The following ADCY6 variants were observed in gnomAD, a reference collection of about 807,000 sequenced individuals.
ADCY6 encodes the protein adenylate cyclase type 6.
In ADCY6, 59 loss-of-function variants were observed where a neutral mutation model predicts 111.6. The observed-to-expected ratio is 0.53, with a 90% CI of 0.43 to 0.66. ADCY6 has a LOEUF of 0.66. Ranked by LOEUF, ADCY6 falls within the 30% of genes least tolerant of loss-of-function variation. The probability of loss-of-function intolerance (pLI) is 0.00; values close to 1 mark genes in which losing one functional copy is unlikely to be tolerated. For synonymous variants in ADCY6, 576 were observed against 642.9 expected (o/e 0.90, Z 1.57); for missense variants, 1,242 against 1,595.6 (o/e 0.78, Z 3.78).
At chr12:48,772,624 T>G in intron 16 of ADCY6, 81 bp from the exon 17 acceptor site, 7 of 1,510,622 alleles carry the variant, frequency 4.6e-6, no homozygotes, top group Non-Finnish European at 6.4e-6. Flanking sequence ...GACAAGAGAC[T>G]GCATTTACTG....
Position 48,777,795 on chromosome 12 carries a change from C to G in ADCY6, c.1015-59G>C. 1 of 1,599,112 alleles carries G rather than the reference C, an allele frequency of 6.3e-7. No homozygotes were observed. Among genetic ancestry groups the G allele is most frequent in the African/African-American group, 1.3e-5 (1 of 74,754 alleles). ...CTCTTGGTCTCACATTGCAATCCCT[C>G]CTGGTCTCTCCACATCGCCAGAGCC... On this transcript the variant is annotated intron_variant, in intron 3 of 21. Coordinates refer to ENST00000357869, the MANE Select transcript of ADCY6 (RefSeq NM_015270.5). This position sits in a 1 kb window ranked among gnomAD's most constrained non-coding sequence, Gnocchi z 4.9.
rs749040940 is a variant in ADCY6, at chr12:48,773,920, C to A, written c.2442+20G>T. 9.3e-6 allele frequency: 15 copies of A among 1,612,422 alleles called. No homozygotes were observed. The highest frequency in any genetic ancestry group is 1.2e-5 in the Non-Finnish European group (14 of 1,179,328). Reference sequence around the variant, plus strand: ...CTGTGCCAGGACAGCCCCCCCACCGCCTGAGCACTGCTCGAACACCTCAGG... The same window carrying A: ...CTGTGCCAGGACAGCCCCCCCACCGACTGAGCACTGCTCGAACACCTCAGG... On this transcript the variant is annotated intron_variant, in intron 15 of 21. Transcript: ENST00000357869.
At position 48,771,653 on chromosome 12, in the gene ADCY6, T is replaced by A; in HGVS notation, c.3051+57A>T. On this transcript the variant is annotated intron_variant, in intron 19 of 21. Transcript: ENST00000357869. The surrounding 1 kb of genome is among the most constrained non-coding windows in gnomAD (Gnocchi z 4.3). ...TCCCAGTTCCACTCACCCATTCCAA[T>A]CCCTGGTCTCCAAGTACCCCCCACT... is the stretch of plus-strand genomic sequence containing the variant. 6.2e-7 allele frequency: 1 copy of A among 1,608,422 alleles called. No individual in the cohort carries two copies.
chr12:48,783,001 A>G lies in ADCY6; in HGVS notation c.434T>C (p.Phe145Ser). ...KLERLYQRYFFQMNQSSLTLL... is the reference protein window; with the variant it reads ...KLERLYQRYFSQMNQSSLTLL... ...CGTCAGGCTGCTCTGGTTCATCTGG[A>G]AGAAGTACCGCTGGTACAGGCGCTC... is the stretch of plus-strand genomic sequence containing the variant. The change falls in exon 2 of 22, where the codon TTC becomes TCC. Residue 145 changes from phenylalanine to serine, a missense_variant. Phe to Ser is a radical substitution (Grantham distance 155, BLOSUM62 -2). Coordinates refer to ENST00000357869, the MANE Select transcript of ADCY6 (RefSeq NM_015270.5). 6.2e-7 allele frequency: 1 copy of G among 1,613,758 alleles called. No homozygotes were observed. The highest frequency in any genetic ancestry group is 2.2e-5 in the East Asian group (1 of 44,886).
Position 48,769,077 on chromosome 12 carries a change from C to G in ADCY6, c.3257-16G>C. The G allele has an allele frequency of 6.2e-7, 1 of 1,601,006 alleles. No homozygotes were observed. Among genetic ancestry groups the G allele is most frequent in the South Asian group, 1.1e-5 (1 of 88,738 alleles). On this transcript the variant is annotated splice_polypyrimidine_tract_variant and intron_variant, in intron 20 of 21. Transcript: ENST00000357869. The stretch of plus-strand genomic sequence containing the variant: ...ATGTTCAGCCCTGAGGTGGAGAGAA[C>G]AGCAAGAGACTAGTGGATGCTCCAG...
At chr12:48,769,759 G>GTT (rs1238353646) in intron 20 of ADCY6, among the ~76,000 whole-genome samples, 30 of 103,778 alleles carry the variant, frequency 2.9e-4, no homozygotes, top group Admixed American at 4.0e-4. Flanking sequence ...ACTAATTTTT[G>GTT]TTTTTTTTTT....
In ADCY6 at chr12:48,771,377, C is replaced by T. The variant is rs1329455188; in HGVS notation, c.3051+333G>A. On this transcript the variant is annotated intron_variant, in intron 19 of 21. Coordinates refer to ENST00000357869, the MANE Select transcript of ADCY6 (RefSeq NM_015270.5). This position sits in a 1 kb window ranked among gnomAD's most constrained non-coding sequence, Gnocchi z 4.3. ...GCTTCAATTTTCTCTATTCAGAGGA[C>T]CATCTTGCTTGGTTGGTCTCATGAG... The T allele has an allele frequency of 7.9e-6, 4 of 503,568 alleles. No individual in the cohort carries two copies. In the East Asian group the frequency reaches 1.1e-4, roughly 14 times the overall value. The allele number at this position is 503,568 out of a possible 1,614,324, so 31.2% of individuals were successfully genotyped here. A position where few individuals can be genotyped will look rare whatever the true frequency, so the allele number is the denominator to read the frequency against.
chr12:48,785,166 G>A (rs988878056), intron 1 of ADCY6, among the ~76,000 whole-genome samples: 1 of 152,108 alleles, frequency 6.6e-6, no homozygotes, highest in African/African-American at 2.4e-5. Context: ...CCAGCTTTAT[G>A]CTTTTTCTCC....
At chr12:48,786,243 C>T (rs1306990468) in intron 1 of ADCY6, among the ~76,000 whole-genome samples, 8 of 152,218 alleles carry the variant, frequency 5.3e-5, no homozygotes, top group Admixed American at 3.3e-4. Context: ...GGGACCCACA[C>T]GCAGAAGGCA....
In ADCY6 at chr12:48,786,927, G is replaced by A. The variant is rs781410658; in HGVS notation, c.-5+1979C>T. ...AAAATGGAAATGATAATGGTCCTCA[G>A]GAAAGAATCTAATAATGCCTGTCAA... On this transcript the variant is annotated intron_variant, in intron 1 of 21. Coordinates refer to ENST00000357869, the MANE Select transcript of ADCY6 (RefSeq NM_015270.5). Among the ~76,000 whole-genome samples the A allele has an allele frequency of 2.0e-4, 30 of 152,136 alleles. 1 individual carries two copies. Among genetic ancestry groups the A allele is most frequent in the Admixed American group, 9.2e-4 (14 of 15,268 alleles).
intron 18 of ADCY6, 44 bp from the exon 19 acceptor site, chr12:48,772,017 G>C: frequency 2.5e-6 from 4 of 1,571,150 alleles, no homozygotes; most frequent in Non-Finnish European, 3.5e-6. Flanking sequence ...CATTCACAAG[G>C]GGTAGGTGTG....
At chr12:48,783,804 G>A (rs1036815141) in intron 1 of ADCY6, 3 of 245,968 alleles carry the variant, frequency 1.2e-5, no homozygotes, top group African/African-American at 7.0e-5. Context: ...ATTAGCCTGG[G>A]CCAGGCGTGG....
intron 20 of ADCY6, among the ~76,000 whole-genome samples, chr12:48,770,195 C>A (rs1183373367): frequency 6.6e-6 from 1 of 151,856 alleles, no homozygotes; most frequent in South Asian, 2.1e-4. Flanking sequence ...TGATCCACCG[C>A]GCCCGGCATG....
At position 48,775,380 on chromosome 12, in the gene ADCY6, G is replaced by A. The variant is rs755302122; in HGVS notation, c.1903C>T (p.Arg635Cys). The part of the protein sequence containing the change: ...DEFLSRAIDA[R>C]SIDQLRKDHV... ...TCCTTCCGCAGCTGATCAATGCTGCGGGCATCGATGGCACGGCTCAGGAAC... is the reference window on the plus strand; with the variant it reads ...TCCTTCCGCAGCTGATCAATGCTGCAGGCATCGATGGCACGGCTCAGGAAC... The change falls in exon 11 of 22, where the codon CGC becomes TGC. Residue 635 changes from arginine to cysteine, a missense_variant. By Grantham distance (180) the Arg-to-Cys change is radical. Transcript: ENST00000357869. 18 of 1,614,146 alleles carry A rather than the reference G, an allele frequency of 1.1e-5. No homozygotes were observed. Among genetic ancestry groups the A allele is most frequent in the Admixed American group, 3.3e-5 (2 of 60,022 alleles).
rs767120461 is a variant in ADCY6 at position 48,783,145 on chromosome 12, G to A, written c.290C>T (p.Thr97Ile). 1.2e-5 allele frequency: 20 copies of A among 1,607,962 alleles called. No individual in the cohort carries two copies. In the East Asian group the frequency reaches 4.5e-4, roughly 36 times the overall value. Residue 97 changes from threonine (T) to isoleucine (I), a missense_variant, in exon 2 of 22, where the codon ACA (threonine) becomes ATA (isoleucine). By Grantham distance (89) the Thr-to-Ile change is moderately conservative (BLOSUM62 -1). Around this residue, in one of 4 missense-constraint regions of ADCY6, gnomAD observed 362 missense variants for 377.2 expected, o/e 0.96. Transcript: ENST00000357869. ...CTCAGCCGTCCCGCCCGCTGTCGTTGTCACCTCGGTATCCTCGAAGCCCAG... is the reference window on the plus strand; with the variant it reads ...CTCAGCCGTCCCGCCCGCTGTCGTTATCACCTCGGTATCCTCGAAGCCCAG... Reference protein sequence around the residue: ...VALGFEDTEVTTTAGGTAEVA... With the variant: ...VALGFEDTEVITTAGGTAEVA...
At position 48,775,367 on chromosome 12, in the gene ADCY6, T is replaced by C; in HGVS notation, c.1916A>G (p.Gln639Arg). 1 of 1,614,148 alleles carries C rather than the reference T, an allele frequency of 6.2e-7. No individual in the cohort carries two copies. ...CCGGCGCACATGGTCCTTCCGCAGC[T>C]GATCAATGCTGCGGGCATCGATGGC... ...SRAIDARSID[Q>R]LRKDHVRRFL... The change falls in exon 11 of 22, where the codon CAG becomes CGG. Residue 639 changes from glutamine (Q) to arginine (R), a missense_variant. Coordinates refer to ENST00000357869, the MANE Select transcript of ADCY6 (RefSeq NM_015270.5).
In ADCY6 at chr12:48,773,974, C is replaced by T; in HGVS notation, c.2408G>A (p.Cys803Tyr). The T allele has an allele frequency of 6.2e-7, 1 of 1,613,882 alleles. No individual in the cohort carries two copies. The highest frequency in any genetic ancestry group is 2.2e-5 in the East Asian group (1 of 44,862). ...GCTGCAGGTGGGCATGGTGCCCTCA[C>T]ACAGGGGAGCATCCAGGCCCAGAGA... The part of the protein sequence containing the change: ...NYSLGLDAPL[C>Y]EGTMPTCSFP... Residue 803 changes from cysteine to tyrosine, a missense_variant, in exon 15 of 22, where the codon TGT becomes TAT. By Grantham distance (194) the Cys-to-Tyr change is radical. Around this residue, in one of 4 missense-constraint regions of ADCY6, gnomAD observed 375 missense variants for 432.5 expected, o/e 0.87. Coordinates refer to ENST00000357869, the MANE Select transcript of ADCY6 (RefSeq NM_015270.5).
At chr12:48,785,427 C>T (rs1941963002) in intron 1 of ADCY6, among the ~76,000 whole-genome samples, 1 of 152,194 alleles carries the variant, frequency 6.6e-6, no homozygotes, top group East Asian at 1.9e-4. Flanking sequence ...CGAGACCAGC[C>T]GGACCAACAT....
rs767570471 is a variant in ADCY6, at chr12:48,782,595, A to T, written c.840T>A (p.Arg280=). The T allele has an allele frequency of 1.9e-6, 3 of 1,611,936 alleles. No homozygotes were observed. The highest frequency in any genetic ancestry group is 4.5e-5 in the East Asian group (2 of 44,860). ...CCTGCTTCCAGAGGAAGGCATCACC[A>T]CGGTTAAGTTGCCAGGCCAAGATCA... ...LHLILAWQLN[R]GDAFLWKQLG... The change falls in exon 2 of 22, where the codon CGT becomes CGA. Residue 280 remains arginine, a synonymous_variant. Coordinates refer to ENST00000357869, the MANE Select transcript of ADCY6 (RefSeq NM_015270.5). The surrounding 1 kb of genome is among the most constrained non-coding windows in gnomAD (Gnocchi z 4.3).
Sources: gnomAD v4.1 joint callset for allele counts (sites outside exome capture counted in the v4.1 genomes callset) on GRCh38, gnomAD v4.1.1 for gene constraint, gnomAD v4.1.1 regional missense constraint, Gnocchi (gnomAD v3.1) non-coding constraint, MANE v1.5 for transcripts, NCBI Gene and HGNC (gene_info 2026-07-23, HGNC 2026-07-21) for gene names.